Variants in FBXO34 observed in about 807,000 individuals in gnomAD.
The protein encoded by FBXO34 is F-box only protein 34.
FBXO34 carries 12 observed loss-of-function variants against 24.5 expected under a neutral mutation model. The observed-to-expected ratio is 0.49, with a 90% CI of 0.31 to 0.79. The LOEUF (loss-of-function observed/expected upper bound fraction) is 0.79, where lower values mean the gene tolerates loss of function less well. Among genes scored for constraint, FBXO34 ranks in the 30% least tolerant of loss-of-function variants. FBXO34 has a pLI of 0.04. For synonymous variants in FBXO34, 320 were observed against 311.9 expected (o/e 1.03, Z -0.27); for missense variants, 823 against 857.7 (o/e 0.96, Z 0.51).
Position 55,351,806 on chromosome 14 carries a change from C to G in FBXO34, c.1416C>G (p.Asn472Lys), listed in dbSNP as rs747004080. The change falls in exon 2 of 2, where the codon AAC becomes AAG. Residue 472 changes from asparagine to lysine, a missense_variant. By Grantham distance (94) the Asn-to-Lys change is moderately conservative. Transcript: ENST00000313833. Reference protein sequence around the residue: ...KVDKDQPSILNSCEDPVPGML... With the variant: ...KVDKDQPSILKSCEDPVPGML... ...ACAAAGACCAGCCTTCCATTTTAAACTCCTGTGAAGACCCAGTTCCAGGGA... is the reference window on the plus strand; with the variant it reads ...ACAAAGACCAGCCTTCCATTTTAAAGTCCTGTGAAGACCCAGTTCCAGGGA... 3.1e-6 allele frequency: 5 copies of G among 1,614,198 alleles called. No homozygotes were observed. The South Asian group carries it at 4.4e-5, about 14-fold the overall frequency.
intron 1 of FBXO34, among the ~76,000 whole-genome samples, chr14:55,331,751 A>ATATGTG (rs1883575568): frequency 4.9e-5 from 3 of 61,402 alleles, no homozygotes; most frequent in African/African-American, 3.5e-4. Flanking sequence ...GTGTGTATAT[A>ATATGTG]TATATATATG....
At chr14:55,407,508 G>T in the FBXO34 span, among the ~76,000 whole-genome samples, 1 of 152,140 alleles carries the variant, frequency 6.6e-6, no homozygotes, top group African/African-American at 2.4e-5. Context: ...CAAGTGATCC[G>T]CCTGCCTCGG....
chr14:55,440,560 G>T, the FBXO34 span: 1 of 1,578,390 alleles, frequency 6.3e-7, no homozygotes, highest in Non-Finnish European at 8.6e-7. Context: ...GAGCCTGGGG[G>T]CAGCGAGGCG....
At chr14:55,306,648 C>A (rs1455297647) in intron 1 of FBXO34, among the ~76,000 whole-genome samples, 1 of 152,140 alleles carries the variant, frequency 6.6e-6, no homozygotes. Flanking sequence ...GCCTGGCCAA[C>A]ATGGCGAAAC....
chr14:55,409,310 A>G, the FBXO34 span, among the ~76,000 whole-genome samples: 7,634 of 152,304 alleles, frequency 0.05, 455 homozygotes, highest in East Asian at 0.28. Context: ...GGACAGAGTC[A>G]GTTCAATCAT....
the FBXO34 span, chr14:55,411,466 C>G: frequency 2.3e-6 from 2 of 872,892 alleles, no homozygotes; most frequent in Non-Finnish European, 3.4e-6. Flanking sequence ...TGCAGAGCAG[C>G]TAGCTACACT....
the FBXO34 span, among the ~76,000 whole-genome samples, chr14:55,384,272 G>GA: frequency 1.3e-5 from 2 of 152,026 alleles, no homozygotes; most frequent in African/African-American, 4.8e-5. Flanking sequence ...TTTTCTTTTT[G>GA]AAAAAAGTCA....
intron 1 of FBXO34, among the ~76,000 whole-genome samples, chr14:55,272,525 C>CT (rs542675528): frequency 0.2 from 23,035 of 113,506 alleles, 2,804 homozygotes; most frequent in African/African-American, 0.39. Flanking sequence ...AATCAGTTTG[C>CT]TTTTTTTTTT....
At chr14:55,370,896 C>G (rs1884801494), downstream of FBXO34, among the ~76,000 whole-genome samples, 1 of 152,178 alleles carries the variant, frequency 6.6e-6, no homozygotes. Flanking sequence ...CCACCCCTGC[C>G]TCTCAAAACG....
chr14:55,311,951 C>T (rs1345358535), intron 1 of FBXO34, among the ~76,000 whole-genome samples: 1 of 152,134 alleles, frequency 6.6e-6, no homozygotes, highest in African/African-American at 2.4e-5. Context: ...CTGTAATCCC[C>T]AGCACTTTGG....
chr14:55,327,415 G>T (rs1158336771), intron 1 of FBXO34, among the ~76,000 whole-genome samples: 1 of 152,198 alleles, frequency 6.6e-6, no homozygotes, highest in Non-Finnish European at 1.5e-5. Context: ...TTTGAGAGTA[G>T]AAGCAAAGTG....
chr14:55,371,958 C>G (rs1884828862), downstream of FBXO34, among the ~76,000 whole-genome samples: 1 of 152,194 alleles, frequency 6.6e-6, no homozygotes, highest in Non-Finnish European at 1.5e-5. Flanking sequence ...CTAATGGCCA[C>G]TGCAGTTTTT....
At chr14:55,309,070 C>T (rs1403686674) in intron 1 of FBXO34, among the ~76,000 whole-genome samples, 1 of 152,074 alleles carries the variant, frequency 6.6e-6, no homozygotes, top group Non-Finnish European at 1.5e-5. Context: ...AAAAGACAAA[C>T]ATGTATTTAA....
downstream of FBXO34, among the ~76,000 whole-genome samples, chr14:55,364,956 G>A (rs1428274602): frequency 1.3e-5 from 2 of 150,532 alleles, no homozygotes; most frequent in Admixed American, 6.6e-5. Flanking sequence ...AGTGGCTCAC[G>A]CCCGTAATCT....
intron 1 of FBXO34, among the ~76,000 whole-genome samples, chr14:55,317,697 G>C (rs768079987): frequency 4.0e-4 from 61 of 152,150 alleles, no homozygotes; most frequent in South Asian, 4.1e-4. Flanking sequence ...TTATACCGCA[G>C]AATCAGCAAA....
chr14:55,432,538 G>C, the FBXO34 span, among the ~76,000 whole-genome samples: 1 of 150,294 alleles, frequency 6.7e-6, no homozygotes, highest in African/African-American at 2.5e-5. Flanking sequence ...AAAAACAAAA[G>C]ATAAATCTCT....
At chr14:55,330,486 C>T (rs866796828) in intron 1 of FBXO34, among the ~76,000 whole-genome samples, 29 of 151,984 alleles carry the variant, frequency 1.9e-4, no homozygotes, top group African/African-American at 5.8e-4. Context: ...AATAGCTTTC[C>T]GAAATCTTAT....
intron 1 of FBXO34, among the ~76,000 whole-genome samples, chr14:55,341,349 A>T (rs763595307): frequency 3.3e-5 from 5 of 152,196 alleles, no homozygotes; most frequent in Non-Finnish European, 7.3e-5. Flanking sequence ...GGATTTTGTG[A>T]GAAAGTGCAC....
chr14:55,379,325 CAGG>C, the FBXO34 span, among the ~76,000 whole-genome samples: 1 of 151,780 alleles, frequency 6.6e-6, no homozygotes, highest in African/African-American at 2.4e-5. Flanking sequence ...CGCTTGAGCC[CAGG>C]AGTTCAAGAC....
Sources: allele counts gnomAD v4.1 joint callset (sites outside exome capture counted in the v4.1 genomes callset), GRCh38; gene constraint gnomAD v4.1.1; transcripts MANE v1.5; gene names NCBI Gene and HGNC (gene_info 2026-07-23, HGNC 2026-07-21).